OSBPL9: variants seen among roughly 807,000 people sequenced by gnomAD.
OSBPL9 encodes oxysterol binding protein like 9.
OSBPL9 carries 40 observed loss-of-function variants against 106.6 expected under a neutral mutation model. The ratio of observed to expected loss-of-function variants is 0.38; its 90% confidence interval spans 0.29 to 0.49. The LOEUF (loss-of-function observed/expected upper bound fraction) is 0.49. Among genes scored for constraint, OSBPL9 ranks in the 20% least tolerant of loss-of-function variants. The probability of loss-of-function intolerance (pLI) is 0.97; values close to 1 mark genes in which losing one functional copy is unlikely to be tolerated. For missense variants in OSBPL9, 609 were observed against 887.2 expected (o/e 0.69, Z 3.98); for synonymous variants, 269 against 295.4 (o/e 0.91, Z 0.92).
intron 4 of OSBPL9, among the ~76,000 whole-genome samples, chr1:51,734,085 C>T (rs1168897232): frequency 6.6e-6 from 1 of 152,134 alleles, no homozygotes; most frequent in African/African-American, 2.4e-5. Flanking sequence ...CCATAATAGA[C>T]ATTAAATAAA....
At chr1:51,572,444 T>A (rs746237508), upstream of OSBPL9, among the ~76,000 whole-genome samples, 6 of 152,194 alleles carry the variant, frequency 3.9e-5, no homozygotes, top group Non-Finnish European at 8.8e-5. Context: ...TAGTAAGTCA[T>A]GGGAGTTAGC....
the OSBPL9 span, among the ~76,000 whole-genome samples, chr1:51,530,193 C>CAAAAAAAAAAAAAAAAAAAAAAAAAAA: frequency 5.4e-5 from 3 of 55,636 alleles, 1 homozygote; most frequent in Non-Finnish European, 9.9e-5. Context: ...AAAAAAAAAA[C>CAAAAAAAAAAAAAAAAAAAAAAAAAAA]AAAAAAAAAA....
intron 4 of OSBPL9, among the ~76,000 whole-genome samples, chr1:51,728,545 G>C (rs1025395485): frequency 6.6e-6 from 1 of 152,136 alleles, no homozygotes; most frequent in Admixed American, 6.5e-5. Flanking sequence ...TACTGAGACA[G>C]GGAGCCCTGG....
At chr1:51,734,539 A>G (rs1665211176) in intron 4 of OSBPL9, among the ~76,000 whole-genome samples, 1 of 152,222 alleles carries the variant, frequency 6.6e-6, no homozygotes, top group East Asian at 1.9e-4. Context: ...AGGTTTTCCA[A>G]TATGGTTAGG....
chr1:51,684,865 A>C (rs909620170), intron 3 of OSBPL9, among the ~76,000 whole-genome samples: 3 of 151,906 alleles, frequency 2.0e-5, no homozygotes, highest in African/African-American at 7.3e-5. Context: ...GAATGTTTGA[A>C]TAGGATACAA....
intron 14 of OSBPL9, among the ~76,000 whole-genome samples, chr1:51,776,109 C>T (rs994200864): frequency 3.3e-5 from 5 of 152,162 alleles, no homozygotes; most frequent in African/African-American, 4.8e-5. Flanking sequence ...AATCATCTTT[C>T]TCATGTCTTC....
the OSBPL9 span, among the ~76,000 whole-genome samples, chr1:51,526,142 G>A: frequency 6.6e-6 from 1 of 152,168 alleles, no homozygotes; most frequent in African/African-American, 2.4e-5. Flanking sequence ...CTCCCAAAAC[G>A]CTGGGATTAC....
chr1:51,669,613 T>C (rs1018795981), intron 3 of OSBPL9, 101 bp downstream of exon 3: 6 of 1,117,132 alleles, frequency 5.4e-6, no homozygotes, highest in East Asian at 2.6e-5. Context: ...TTGCAACTGA[T>C]CCTGCATGAA....
chr1:51,643,358 A>G (rs1167238594), intron 1 of OSBPL9, among the ~76,000 whole-genome samples: 1 of 152,244 alleles, frequency 6.6e-6, no homozygotes, highest in African/African-American at 2.4e-5. Flanking sequence ...TATCTGCTCT[A>G]GAGGTTCAGG....
chr1:51,752,440 A>G (rs1219866187), intron 8 of OSBPL9: 1 of 438,650 alleles, frequency 2.3e-6, no homozygotes, highest in Admixed American at 2.5e-5. Context: ...GTGGCCTCGT[A>G]TCACTAGTCA....
At chr1:51,561,875 C>T in the OSBPL9 span, 1 of 152,142 alleles carries the variant, frequency 6.6e-6, no homozygotes, top group Non-Finnish European at 1.5e-5. Context: ...TGGCTCTGAG[C>T]TCAGAGGGCT....
At chr1:51,556,816 CATATATATGTGTATATATATACAT>C in the OSBPL9 span, among the ~76,000 whole-genome samples, 1 of 147,990 alleles carries the variant, frequency 6.8e-6, no homozygotes, top group Admixed American at 6.8e-5. Context: ...TATATATACA[CATATATATGTGTATATATATACAT>C]ATATATGTAT....
intron 4 of OSBPL9, among the ~76,000 whole-genome samples, chr1:51,721,703 T>C (rs1662160853): frequency 1.3e-5 from 2 of 152,362 alleles, no homozygotes; most frequent in East Asian, 1.9e-4. Flanking sequence ...TTATCACAAC[T>C]GTATTGTTTT....
chr1:51,618,026 T>G (rs1037276378), intron 1 of OSBPL9, among the ~76,000 whole-genome samples: 1 of 112,848 alleles, frequency 8.9e-6, no homozygotes, highest in African/African-American at 3.1e-5. Flanking sequence ...GTGTGTGTGG[T>G]TTTTTTTTTG....
At chr1:51,722,098 A>C (rs1662236096) in intron 4 of OSBPL9, among the ~76,000 whole-genome samples, 3 of 152,240 alleles carry the variant, frequency 2.0e-5, no homozygotes, top group African/African-American at 7.2e-5. Context: ...CCAAGGCAGG[A>C]TTGCTTGAGG....
chr1:51,747,143 T>C (rs1668154312), intron 6 of OSBPL9, among the ~76,000 whole-genome samples: 1 of 152,182 alleles, frequency 6.6e-6, no homozygotes, highest in Non-Finnish European at 1.5e-5. Context: ...ATTTTTGTAT[T>C]TTTAGTAGAG....
chr1:51,752,372 CT>C (rs1319475814), intron 8 of OSBPL9: 1 of 291,798 alleles, frequency 3.4e-6, no homozygotes, highest in African/African-American at 2.2e-5. Context: ...TTTGGAAAGA[CT>C]TTTCCTGACT....
At chr1:51,777,025 T>C in intron 15 of OSBPL9, 107 bp downstream of exon 15, 1 of 871,528 alleles carries the variant, frequency 1.1e-6, no homozygotes, top group Non-Finnish European at 1.9e-6. Context: ...TTCAAACATT[T>C]CTGGGTATTC....
At chr1:51,571,195 T>C in the OSBPL9 span, among the ~76,000 whole-genome samples, 1 of 152,174 alleles carries the variant, frequency 6.6e-6, no homozygotes. Flanking sequence ...TGCATCTTTA[T>C]ATTCCCTGAA....
Sources: gnomAD v4.1 joint callset for allele counts (sites outside exome capture counted in the v4.1 genomes callset) on GRCh38, gnomAD v4.1.1 for gene constraint, MANE v1.5 for transcripts, NCBI Gene and HGNC (gene_info 2026-07-23, HGNC 2026-07-21) for gene names.